Variants in EPB41L4A observed in about 807,000 individuals in gnomAD.
EPB41L4A encodes the protein erythrocyte membrane protein band 4.1 like 4A.
EPB41L4A carries 100 observed loss-of-function variants against 108.6 expected under a neutral mutation model. That is an observed-to-expected ratio of 0.92 (90% CI 0.78 to 1.09). The LOEUF (loss-of-function observed/expected upper bound fraction) is 1.09. Among genes scored for constraint, EPB41L4A ranks in the 50% least tolerant of loss-of-function variants. EPB41L4A has a pLI of 0.00. For synonymous variants in EPB41L4A, 319 were observed against 289.0 expected (o/e 1.10, Z -1.05); for missense variants, 1,030 against 842.7 (o/e 1.22, Z -2.75).
At chr5:112,262,423 G>A (rs1352304228) in intron 7 of EPB41L4A, 71 bp downstream of exon 7, 3 of 1,259,610 alleles carry the variant, frequency 2.4e-6, no homozygotes, top group East Asian at 2.3e-5. Flanking sequence ...CTTTCCTTTG[G>A]GAGTCTCAGT....
intron 15 of EPB41L4A, among the ~76,000 whole-genome samples, chr5:112,201,986 C>T (rs1228047224): frequency 6.6e-6 from 1 of 152,136 alleles, no homozygotes. Flanking sequence ...TCTACTGACT[C>T]ATCTATAATC....
At chr5:112,416,028 T>A (rs1172833358) in intron 1 of EPB41L4A, among the ~76,000 whole-genome samples, 1 of 152,062 alleles carries the variant, frequency 6.6e-6, no homozygotes, top group Non-Finnish European at 1.5e-5. Flanking sequence ...TAAATGGAAA[T>A]AAAATTATTT....
chr5:112,283,589 T>A lies in EPB41L4A; in HGVS notation c.205-3266A>T, dbSNP rs1480335628. Reference sequence around the variant, plus strand: ...CAATATCCCTGTTTTAAGGAATACATCCAGAATACTGGTCATGGAGTGCCA... The same window carrying A: ...CAATATCCCTGTTTTAAGGAATACAACCAGAATACTGGTCATGGAGTGCCA... On this transcript the variant is annotated intron_variant, in intron 2 of 22. Coordinates refer to ENST00000261486, the MANE Select transcript of EPB41L4A (RefSeq NM_022140.5). Among the ~76,000 whole-genome samples the A allele has an allele frequency of 3.3e-5, 5 of 152,158 alleles. No homozygotes were observed. In the South Asian group the frequency reaches 1.0e-3, roughly 32 times the overall value.
At chr5:112,334,779 C>T (rs1448025199) in intron 1 of EPB41L4A, among the ~76,000 whole-genome samples, 1 of 152,124 alleles carries the variant, frequency 6.6e-6, no homozygotes, top group African/African-American at 2.4e-5. Context: ...CCTCCTGAGG[C>T]TGTGTCATGA....
At chr5:112,417,455 A>C (rs1429946646) in intron 1 of EPB41L4A, among the ~76,000 whole-genome samples, 1 of 152,218 alleles carries the variant, frequency 6.6e-6, no homozygotes, top group East Asian at 1.9e-4. Context: ...CTATCTCGAC[A>C]CAAGAATCTA....
chr5:112,275,027 C>T (rs1038519585), intron 4 of EPB41L4A, among the ~76,000 whole-genome samples: 1 of 152,114 alleles, frequency 6.6e-6, no homozygotes, highest in South Asian at 2.1e-4. Context: ...CAAATAACTT[C>T]GATATGAATA....
At chr5:112,336,789 G>A (rs754931434) in intron 1 of EPB41L4A, among the ~76,000 whole-genome samples, 13 of 152,296 alleles carry the variant, frequency 8.5e-5, no homozygotes, top group South Asian at 2.1e-4. Context: ...GTAGGTGATA[G>A]CTTTCAGAAT....
At chr5:112,338,640 C>A (rs1042467035) in intron 1 of EPB41L4A, among the ~76,000 whole-genome samples, 1 of 152,232 alleles carries the variant, frequency 6.6e-6, no homozygotes, top group East Asian at 1.9e-4. Context: ...GCTTTCCATT[C>A]TCTTCGTAGC....
intron 2 of EPB41L4A, among the ~76,000 whole-genome samples, chr5:112,280,596 C>A (rs1337174056): frequency 1.3e-5 from 2 of 151,940 alleles, no homozygotes; most frequent in Non-Finnish European, 2.9e-5. Flanking sequence ...TTAAGACCAC[C>A]CTGGCCAATA....
At chr5:112,324,177 G>C (rs932300754) in intron 1 of EPB41L4A, among the ~76,000 whole-genome samples, 1 of 152,240 alleles carries the variant, frequency 6.6e-6, no homozygotes, top group East Asian at 1.9e-4. Flanking sequence ...TTAAGGAGAA[G>C]AGACATACAG....
intron 6 of EPB41L4A, among the ~76,000 whole-genome samples, chr5:112,263,071 T>G (rs1751604612): frequency 6.6e-6 from 1 of 152,190 alleles, no homozygotes; most frequent in African/African-American, 2.4e-5. Flanking sequence ...ATACATTGAT[T>G]AACGTACAGA....
intron 3 of EPB41L4A, among the ~76,000 whole-genome samples, chr5:112,279,638 G>A (rs2150504438): frequency 1.3e-5 from 2 of 152,164 alleles, no homozygotes; most frequent in South Asian, 2.1e-4. Context: ...TTTAAAAAGA[G>A]TATTTTTTGC....
intron 18 of EPB41L4A, chr5:112,175,375 T>C (rs538668707): frequency 6.6e-6 from 1 of 152,360 alleles, no homozygotes; most frequent in South Asian, 2.1e-4. Flanking sequence ...TACTTCCCAA[T>C]GTTTTAACAG....
intron 9 of EPB41L4A, chr5:112,257,329 T>C (rs1337719192): frequency 6.6e-6 from 1 of 152,138 alleles, no homozygotes; most frequent in African/African-American, 2.4e-5. Flanking sequence ...TTATATGACC[T>C]GCTTTGTCAC....
Position 112,164,865 on chromosome 5 carries a change from T to G in EPB41L4A, c.*125A>C. On this transcript the variant is annotated 3_prime_UTR_variant, in exon 23 of 23. Coordinates refer to ENST00000261486, the MANE Select transcript of EPB41L4A (RefSeq NM_022140.5). Reference sequence around the variant, plus strand: ...AAAAAAAAAGAAGCAAAAGATAATGTATTTTCTCATGCTGAAGAAATACTT... The same window carrying G: ...AAAAAAAAAGAAGCAAAAGATAATGGATTTTCTCATGCTGAAGAAATACTT... 9.6e-7 allele frequency: 1 copy of G among 1,047,080 alleles called. No homozygotes were observed. Among genetic ancestry groups the G allele is most frequent in the Non-Finnish European group, 1.3e-6 (1 of 754,730 alleles). 64.9% of individuals were successfully genotyped at this position (1,047,080 alleles called of 1,614,324 possible). A position where few individuals can be genotyped will look rare whatever the true frequency, so the allele number is the denominator to read the frequency against.
At chr5:112,165,740 G>T (rs1760205712) in intron 22 of EPB41L4A, among the ~76,000 whole-genome samples, 1 of 152,102 alleles carries the variant, frequency 6.6e-6, no homozygotes, top group African/African-American at 2.4e-5. Flanking sequence ...AGTGTATCAG[G>T]CTGGCAAGCA....
intron 1 of EPB41L4A, among the ~76,000 whole-genome samples, chr5:112,413,151 A>T (rs367842908): frequency 3.3e-5 from 5 of 152,334 alleles, no homozygotes; most frequent in African/African-American, 1.2e-4. Flanking sequence ...TCTTCTTCGG[A>T]AAGACTCAGG....
intron 1 of EPB41L4A, among the ~76,000 whole-genome samples, chr5:112,409,404 T>C (rs1213406405): frequency 1.3e-5 from 2 of 152,048 alleles, no homozygotes; most frequent in Admixed American, 1.3e-4. Context: ...ATAAAATTGA[T>C]TGTGGTGATG....
chr5:112,376,927 G>C (rs771019444), intron 1 of EPB41L4A, among the ~76,000 whole-genome samples: 18 of 152,158 alleles, frequency 1.2e-4, no homozygotes, highest in Non-Finnish European at 1.0e-4. Flanking sequence ...CACGTGGCTG[G>C]GTGCGGTGGC....
Sources: allele counts gnomAD v4.1 joint callset (sites outside exome capture counted in the v4.1 genomes callset), GRCh38; gene constraint gnomAD v4.1.1; transcripts MANE v1.5; gene names NCBI Gene and HGNC (gene_info 2026-07-23, HGNC 2026-07-21).